CSTF3: variants seen among roughly 807,000 people sequenced by gnomAD.
The protein encoded by CSTF3 is CF-1 77 kDa subunit.
A neutral mutation model predicts 105.8 loss-of-function variants in CSTF3; 29 were observed. The observed-to-expected ratio is 0.27, with a 90% CI of 0.20 to 0.37. The LOEUF (loss-of-function observed/expected upper bound fraction) is 0.37. CSTF3 is among the 10% of genes least tolerant of loss of function. The probability of loss-of-function intolerance (pLI) is 1.00; values close to 1 mark genes in which losing one functional copy is unlikely to be tolerated. For missense variants in CSTF3, 357 were observed against 879.3 expected, an observed-to-expected ratio of 0.41 and a Z score of 7.51; for synonymous variants, 252 against 281.9, an observed-to-expected ratio of 0.89 and a Z score of 1.06.
At chr11:33,088,172 C>T (rs553073284) in intron 17 of CSTF3, among the ~76,000 whole-genome samples, 8 of 151,990 alleles carry the variant, frequency 5.3e-5, no homozygotes, top group African/African-American at 1.7e-4. Context: ...CCATACCACC[C>T]ACCGTTAAAC....
chr11:33,135,755 C>T (rs1298176943), intron 3 of CSTF3, among the ~76,000 whole-genome samples: 1 of 152,116 alleles, frequency 6.6e-6, no homozygotes, highest in Non-Finnish European at 1.5e-5. Flanking sequence ...AAATAGCCAA[C>T]CTTCTTTTTT....
intron 3 of CSTF3, among the ~76,000 whole-genome samples, chr11:33,132,788 C>T (rs575918230): frequency 5.3e-5 from 8 of 152,134 alleles, no homozygotes; most frequent in East Asian, 3.9e-4. Flanking sequence ...CAAATGATCA[C>T]GTATTTGTCT....
chr11:33,115,753 G>A (rs759142308), intron 3 of CSTF3, among the ~76,000 whole-genome samples: 1 of 152,010 alleles, frequency 6.6e-6, no homozygotes, highest in Non-Finnish European at 1.5e-5. Flanking sequence ...AAATTGTATT[G>A]TTTCTGCAAT....
At chr11:33,108,045 T>G in intron 4 of CSTF3, 45 bp from the exon 5 acceptor site, 1 of 1,239,646 alleles carries the variant, frequency 8.1e-7, no homozygotes, top group Non-Finnish European at 1.1e-6. Context: ...TAAATAAATT[T>G]CACATGGACA....
chr11:33,114,040 T>A (rs1855407067), intron 3 of CSTF3, among the ~76,000 whole-genome samples: 1 of 152,256 alleles, frequency 6.6e-6, no homozygotes, highest in Admixed American at 6.5e-5. Context: ...CATTAATTGG[T>A]CATCACGTAT....
chr11:33,128,078 A>G (rs372428865), intron 3 of CSTF3, among the ~76,000 whole-genome samples: 6 of 152,194 alleles, frequency 3.9e-5, no homozygotes, highest in Admixed American at 3.9e-4. Context: ...AGACGCTGGC[A>G]ATGTGGTATC....
At chr11:33,131,725 G>A (rs186016779) in intron 3 of CSTF3, among the ~76,000 whole-genome samples, 150 of 151,994 alleles carry the variant, frequency 9.9e-4, no homozygotes, top group African/African-American at 3.5e-3. Context: ...GGTGGCGGGC[G>A]CCTGTAGTCC....
rs189126551 is a variant in CSTF3, at chr11:33,154,107, C to T, written c.27+7192G>A. Among the ~76,000 whole-genome samples, 22 of 152,298 alleles carry T rather than the reference C, an allele frequency of 1.4e-4. No homozygotes were observed. In the East Asian group the frequency reaches 3.7e-3, roughly 25 times the overall value. ...TTTAAAACAACCAGCTATCATCTAA[C>T]TCTGTGGTCTGCAAGCTTTTATTGA... On this transcript the variant is annotated intron_variant, in intron 1 of 20. Transcript: ENST00000323959.
intron 3 of CSTF3, among the ~76,000 whole-genome samples, chr11:33,138,580 T>G (rs1855678737): frequency 6.6e-6 from 1 of 151,846 alleles, no homozygotes; most frequent in South Asian, 2.1e-4. Context: ...CTTATCCGAT[T>G]AAATAGCTGG....
intron 3 of CSTF3, among the ~76,000 whole-genome samples, chr11:33,133,468 C>T (rs945114420): frequency 3.3e-5 from 5 of 152,216 alleles, no homozygotes; most frequent in African/African-American, 7.2e-5. Context: ...AACATTACTA[C>T]GCCTCTGGAT....
intron 3 of CSTF3, among the ~76,000 whole-genome samples, chr11:33,118,010 G>A (rs1416835670): frequency 2.0e-5 from 3 of 151,510 alleles, no homozygotes; most frequent in Non-Finnish European, 4.4e-5. Context: ...TTTCACAAAG[G>A]AGAGAGTTGG....
At chr11:33,151,730 G>A (rs565379939) in intron 1 of CSTF3, among the ~76,000 whole-genome samples, 2 of 152,282 alleles carry the variant, frequency 1.3e-5, no homozygotes, top group East Asian at 3.9e-4. Flanking sequence ...CCTAGAAATG[G>A]AATGGCTAAG....
At chr11:33,138,931 A>T (rs1855681610) in intron 3 of CSTF3, among the ~76,000 whole-genome samples, 1 of 151,878 alleles carries the variant, frequency 6.6e-6, no homozygotes, top group African/African-American at 2.4e-5. Context: ...TTTTACCTCC[A>T]ACAATTTCCA....
At chr11:33,110,052 A>C (rs1490226660) in intron 3 of CSTF3, among the ~76,000 whole-genome samples, 1 of 152,188 alleles carries the variant, frequency 6.6e-6, no homozygotes, top group African/African-American at 2.4e-5. Context: ...TCCTGTGTTC[A>C]TATTACTTTG....
At position 33,142,615 on chromosome 11, in the gene CSTF3, C is replaced by A. The variant is rs561899239; in HGVS notation, c.28-629G>T. On this transcript the variant is annotated intron_variant, in intron 1 of 20. Coordinates refer to ENST00000323959, the MANE Select transcript of CSTF3 (RefSeq NM_001326.3). Reference sequence around the variant, plus strand: ...ACTTTATGGTCTCAGGACCCCTCTACGCTCTTAAAATTTAAGAACCACAAA... The same window carrying A: ...ACTTTATGGTCTCAGGACCCCTCTAAGCTCTTAAAATTTAAGAACCACAAA... Among the ~76,000 whole-genome samples the A allele has an allele frequency of 1.7e-3, 256 of 152,200 alleles. 2 individuals are homozygous for A. The highest frequency in any genetic ancestry group is 5.9e-3 in the African/African-American group (243 of 41,528).
intron 18 of CSTF3, 46 bp downstream of exon 18, chr11:33,086,939 TCAA>T: frequency 6.2e-7 from 1 of 1,611,370 alleles, no homozygotes; most frequent in Non-Finnish European, 8.5e-7. Context: ...TGGATTTAAA[TCAA>T]CAAACAAACC....
At chr11:33,116,009 A>G (rs888142903) in intron 3 of CSTF3, among the ~76,000 whole-genome samples, 2 of 152,234 alleles carry the variant, frequency 1.3e-5, no homozygotes, top group Non-Finnish European at 2.9e-5. Flanking sequence ...CATGTCCTAT[A>G]AACTTTCAAT....
intron 3 of CSTF3, among the ~76,000 whole-genome samples, chr11:33,130,615 A>G (rs569801048): frequency 1.3e-5 from 2 of 152,358 alleles, no homozygotes; most frequent in South Asian, 4.1e-4. Flanking sequence ...CACTCTACCT[A>G]AATCCTTAGT....
Position 33,161,345 on chromosome 11 carries a change from G to A in CSTF3, c.-20C>T, listed in dbSNP as rs746964135. 1.2e-6 allele frequency: 2 copies of A among 1,611,950 alleles called. No individual in the cohort carries two copies. The highest frequency in any genetic ancestry group is 4.5e-5 in the East Asian group (2 of 44,868). On this transcript the variant is annotated 5_prime_UTR_variant, in exon 1 of 21. It adds an upstream start codon to the 5' untranslated region. Transcript: ENST00000323959. ...TGACATGGCCTCAGCTGATTACAAC[G>A]TGCGCACTGACCGTCGATGGGAAGC...
Sources: gnomAD v4.1 joint callset for allele counts (sites outside exome capture counted in the v4.1 genomes callset) on GRCh38, gnomAD v4.1.1 for gene constraint, MANE v1.5 for transcripts, NCBI Gene and HGNC (gene_info 2026-07-23, HGNC 2026-07-21) for gene names.